The following EIF1AD variants were observed in gnomAD, a reference collection of about 807,000 sequenced individuals.
The protein encoded by EIF1AD is eukaryotic translation initiation factor 1A domain containing.
A neutral mutation model predicts 21.7 loss-of-function variants in EIF1AD; 9 were observed. The ratio of observed to expected loss-of-function variants is 0.41; its 90% CI spans 0.25 to 0.72. EIF1AD has a LOEUF of 0.72. EIF1AD is among the 30% of genes least tolerant of loss of function. The pLI is 0.29. For missense variants in EIF1AD, 164 were observed against 199.7 expected (o/e 0.82, Z 1.08); for synonymous variants, 78 against 70.9 (o/e 1.10, Z -0.50).
chr11:65,999,650 A>G lies in EIF1AD; in HGVS notation c.222T>C (p.Ile74=). 6.2e-7 allele frequency: 1 copy of G among 1,614,002 alleles called. No individual in the cohort carries two copies. The change falls in exon 4 of 6, where the codon ATT becomes ATC. Residue 74 remains isoleucine (I), a synonymous_variant. Transcript: ENST00000533544. ...CAGCCTTCACCTTTTCTCCCTCTTCAATGGGGTCAACAATGAGAAAGTCCC... is the reference window on the plus strand; with the variant it reads ...CAGCCTTCACCTTTTCTCCCTCTTCGATGGGGTCAACAATGAGAAAGTCCC... The part of the protein sequence containing the change: ...KRGDFLIVDP[I]EEGEKVKAEI...
rs1855739504 is a variant in EIF1AD, at chr11:65,996,780, C to G, written c.*1819G>C. ...CACGCTCGACACTAACACATCACAT[C>G]CATAACATATCACATCCAATAGACA... On this transcript the variant is annotated 3_prime_UTR_variant, in exon 6 of 6. Transcript: ENST00000533544. 6.6e-6 allele frequency: 1 copy of G among 152,116 alleles called. No homozygotes were observed. Among genetic ancestry groups the G allele is most frequent in the Non-Finnish European group, 1.5e-5 (1 of 68,036 alleles). The allele number at this position is 152,116 out of a possible 1,614,324, so 9.4% of individuals were successfully genotyped here. A position where few individuals can be genotyped will look rare whatever the true frequency, so the allele number is the denominator to read the frequency against.
At chr11:66,001,452 A>G (rs1419997346) in intron 1 of EIF1AD, among the ~76,000 whole-genome samples, 2 of 144,356 alleles carry the variant, frequency 1.4e-5, no homozygotes, top group Non-Finnish European at 3.0e-5. Flanking sequence ...AGCCTGGGCG[A>G]CAGAGCAAGA....
Position 65,998,170 on chromosome 11 carries a change from A to G in EIF1AD, c.*429T>C, listed in dbSNP as rs1209659569. ...CCTAGGGCTGTCATCCTGAATGCTT[A>G]AATTGGTATGAACTGCAAGCAGGCA... On this transcript the variant is annotated 3_prime_UTR_variant, in exon 6 of 6. Transcript: ENST00000533544. 6.3e-6 allele frequency: 1 copy of G among 158,114 alleles called. No individual in the cohort carries two copies. The highest frequency in any genetic ancestry group is 1.9e-4 in the East Asian group (1 of 5,382). 9.8% of individuals were successfully genotyped at this position (158,114 alleles called of 1,614,324 possible). A position where few individuals can be genotyped will look rare whatever the true frequency, so the allele number is the denominator to read the frequency against.
chr11:65,999,330 C>T lies in EIF1AD; in HGVS notation c.353+20G>A, dbSNP rs1197847631. 1 of 1,614,118 alleles carries T rather than the reference C, an allele frequency of 6.2e-7. No homozygotes were observed. Among genetic ancestry groups the T allele is most frequent in the African/African-American group, 1.3e-5 (1 of 74,946 alleles). ...AACCCCTTATTTTCCATGTACCCCA[C>T]CCCAAGGCTTGTTCCTCACCTGTTC... On this transcript the variant is annotated intron_variant, in intron 5 of 5. Coordinates refer to ENST00000533544, the MANE Select transcript of EIF1AD (RefSeq NM_001242481.2).
rs1855859318 is a variant in EIF1AD at position 65,999,567 on chromosome 11, C to A, written c.305G>T (p.Trp102Leu). 6.2e-7 allele frequency: 1 copy of A among 1,612,632 alleles called. No homozygotes were observed. The highest frequency in any genetic ancestry group is 8.5e-7 in the Non-Finnish European group (1 of 1,179,090). ...GCCAATGATCAAGGGGACCACCTACCAAAACCCCTCCTTCTGCAGAGAGCG... is the reference window on the plus strand; with the variant it reads ...GCCAATGATCAAGGGGACCACCTACAAAAACCCCTCCTTCTGCAGAGAGCG... ...HVRSLQKEGF[W>L]PEAFSEVAEK... Residue 102 changes from tryptophan to leucine, a missense_variant and splice_region_variant, in exon 4 of 6, where the codon TGG (tryptophan) becomes TTG (leucine). By Grantham distance (61) the Trp-to-Leu change is moderately conservative (BLOSUM62 -2). Transcript: ENST00000533544.
At position 65,998,473 on chromosome 11, in the gene EIF1AD, G is replaced by A; in HGVS notation, c.*126C>T. ...TTTAATTCTCTGAATCAAAAGATCA[G>A]TTCAGAGAGGAGCCCTGCTTTGTCC... On this transcript the variant is annotated 3_prime_UTR_variant, in exon 6 of 6. Coordinates refer to ENST00000533544, the MANE Select transcript of EIF1AD (RefSeq NM_001242481.2). The A allele has an allele frequency of 7.9e-7, 1 of 1,261,504 alleles. No homozygotes were observed. Among genetic ancestry groups the A allele is most frequent in the Non-Finnish European group, 1.1e-6 (1 of 913,510 alleles). 78.1% of individuals were successfully genotyped at this position (1,261,504 alleles called of 1,614,324 possible). A position where few individuals can be genotyped will look rare whatever the true frequency, so the allele number is the denominator to read the frequency against.
rs1457628811 is a variant in EIF1AD at position 65,997,798 on chromosome 11, C to T, written c.*801G>A. 6.6e-6 allele frequency: 1 copy of T among 152,244 alleles called. No individual in the cohort carries two copies. Among genetic ancestry groups the T allele is most frequent in the Non-Finnish European group, 1.5e-5 (1 of 68,076 alleles). 9.4% of individuals were successfully genotyped at this position (152,244 alleles called of 1,614,324 possible). A position where few individuals can be genotyped will look rare whatever the true frequency, so the allele number is the denominator to read the frequency against. On this transcript the variant is annotated 3_prime_UTR_variant, in exon 6 of 6. Coordinates refer to ENST00000533544, the MANE Select transcript of EIF1AD (RefSeq NM_001242481.2). The stretch of plus-strand genomic sequence containing the variant: ...AGAGGGAAGTGAAGGCAGAAGGTTA[C>T]TCATGAGAATGTCAGGGCTGGTTAG...
chr11:65,999,936 A>G (rs1222862692), intron 3 of EIF1AD, 117 bp downstream of exon 3: 4 of 803,208 alleles, frequency 5.0e-6, no homozygotes, highest in Non-Finnish European at 8.0e-6. Flanking sequence ...GCACGTGCCC[A>G]ACTAATTTTT....
chr11:65,998,364 G>T lies in EIF1AD; in HGVS notation c.*235C>A. ...CCACCCACAAGGTCTCTAATAAATA[G>T]GGAGCAGTTTTTCACTTCATCACAA... On this transcript the variant is annotated 3_prime_UTR_variant, in exon 6 of 6. Coordinates refer to ENST00000533544, the MANE Select transcript of EIF1AD (RefSeq NM_001242481.2). 9.3e-6 allele frequency: 3 copies of T among 323,750 alleles called. No homozygotes were observed. The highest frequency in any genetic ancestry group is 1.7e-5 in the Non-Finnish European group (3 of 175,992). The allele number at this position is 323,750 out of a possible 1,614,324, so 20.1% of individuals were successfully genotyped here. A position where few individuals can be genotyped will look rare whatever the true frequency, so the allele number is the denominator to read the frequency against.
chr11:65,997,482 T>G lies in EIF1AD; in HGVS notation c.*1117A>C, dbSNP rs1855768998. 1 of 152,074 alleles carries G rather than the reference T, an allele frequency of 6.6e-6. No homozygotes were observed. The highest frequency in any genetic ancestry group is 2.4e-5 in the African/African-American group (1 of 41,386). 9.4% of individuals were successfully genotyped at this position (152,074 alleles called of 1,614,324 possible). A position where few individuals can be genotyped will look rare whatever the true frequency, so the allele number is the denominator to read the frequency against. Reference sequence around the variant, plus strand: ...ATGGTTGCTGTTTCTTAATGAGGCATGTGTTGTGGTAACTACCACAAGGGG... The same window carrying G: ...ATGGTTGCTGTTTCTTAATGAGGCAGGTGTTGTGGTAACTACCACAAGGGG... On this transcript the variant is annotated 3_prime_UTR_variant, in exon 6 of 6. Coordinates refer to ENST00000533544, the MANE Select transcript of EIF1AD (RefSeq NM_001242481.2).
rs1855901159 is a variant in EIF1AD at position 66,000,395 on chromosome 11, A to C, written c.-6T>G. On this transcript the variant is annotated 5_prime_UTR_variant, in exon 2 of 6. Transcript: ENST00000533544. ...CTCTTGGTGGCCTGAGACATGCTGA[A>C]GTCGTCCCACACTGGTTAGGAACGA... is the stretch of plus-strand genomic sequence containing the variant. 6 of 1,603,486 alleles carry C rather than the reference A, an allele frequency of 3.7e-6. No homozygotes were observed. The highest frequency in any genetic ancestry group is 4.3e-6 in the Non-Finnish European group (5 of 1,174,880).
At position 65,999,512 on chromosome 11, in the gene EIF1AD, T is replaced by TAGGAAGGCAATGCCTCCAGAAGCC. The variant is rs1466405129; in HGVS notation, c.305+31_305+54dup. 6 of 1,596,032 alleles carry TAGGAAGGCAATGCCTCCAGAAGCC rather than the reference T, an allele frequency of 3.8e-6. No homozygotes were observed. The Admixed American group carries it at 1.0e-4, about 27-fold the overall frequency. On this transcript the variant is annotated intron_variant, in intron 4 of 5. Coordinates refer to ENST00000533544, the MANE Select transcript of EIF1AD (RefSeq NM_001242481.2). The stretch of plus-strand genomic sequence containing the variant: ...ACCTTCCCTCCCCTAATTCCCAAGC[T>TAGGAAGGCAATGCCTCCAGAAGCC]AGGAAGGCAATGCCTCCAGAAGCCA...
chr11:65,999,712 C>T, intron 3 of EIF1AD, 37 bp from the exon 4 acceptor site: 1 of 1,487,370 alleles, frequency 6.7e-7, no homozygotes. Context: ...GTCAGGCCTG[C>T]TTGCAATAAG....
chr11:65,998,827 C>A, intron 5 of EIF1AD, 84 bp from the exon 6 acceptor site: 1 of 1,509,824 alleles, frequency 6.6e-7, no homozygotes, highest in Admixed American at 1.8e-5. Context: ...AAAAAAGGAC[C>A]ATCCGGCCCA....
rs1397730134 is a variant in EIF1AD at position 65,999,599 on chromosome 11, G to A, written c.273C>T (p.Asp91=). 1 of 1,613,906 alleles carries A rather than the reference G, an allele frequency of 6.2e-7. No homozygotes were observed. The highest frequency in any genetic ancestry group is 1.1e-5 in the South Asian group (1 of 91,060). The change falls in exon 4 of 6, where the codon GAC becomes GAT. Residue 91 remains aspartate (D), a synonymous_variant. Transcript: ENST00000533544. ...KAEISFVLCK[D]HVRSLQKEGF... is the part of the protein sequence containing the mutation. ...CCTCCTTCTGCAGAGAGCGCACGTGGTCCTTGCAGAGCACAAACGAGATTT... is the reference window on the plus strand; with the variant it reads ...CCTCCTTCTGCAGAGAGCGCACGTGATCCTTGCAGAGCACAAACGAGATTT...
Position 65,997,642 on chromosome 11 carries a change from CTAA to C in EIF1AD, c.*954_*956del. ...GTGGCCAGGCTGGCTGTTTTCTCAC[CTAA>C]TGATGGTGACTTGGGTTTGGGCACA... On this transcript the variant is annotated 3_prime_UTR_variant, in exon 6 of 6. Coordinates refer to ENST00000533544, the MANE Select transcript of EIF1AD (RefSeq NM_001242481.2). The C allele has an allele frequency of 6.6e-6, 1 of 152,272 alleles. No individual in the cohort carries two copies. Among genetic ancestry groups the C allele is most frequent in the Non-Finnish European group, 1.5e-5 (1 of 68,100 alleles). 9.4% of individuals were successfully genotyped at this position (152,272 alleles called of 1,614,324 possible).
At chr11:66,001,736 A>T (rs975125123) in intron 1 of EIF1AD, among the ~76,000 whole-genome samples, 174 bp downstream of exon 1, 1 of 152,164 alleles carries the variant, frequency 6.6e-6, no homozygotes, top group African/African-American at 2.4e-5. Flanking sequence ...TTAAAGGTTG[A>T]GGTGAGCAGG....
chr11:66,000,332 C>A lies in EIF1AD; in HGVS notation c.58G>T (p.Val20Leu), dbSNP rs749157947. Residue 20 changes from valine to leucine, a missense_variant, in exon 2 of 6, where the codon GTG becomes TTG. Coordinates refer to ENST00000533544, the MANE Select transcript of EIF1AD (RefSeq NM_001242481.2). Reference protein sequence around the residue: ...VVKEVLGEHIVPSDQQQIVRV... With the variant: ...VVKEVLGEHILPSDQQQIVRV... ...ACAATCTGCTGCTGGTCGGAGGGCACTATGTGCTCCCCTAGCACCTCCTTC... is the reference window on the plus strand; with the variant it reads ...ACAATCTGCTGCTGGTCGGAGGGCAATATGTGCTCCCCTAGCACCTCCTTC... The A allele has an allele frequency of 5.6e-6, 9 of 1,613,480 alleles. No homozygotes were observed. The East Asian group carries it at 1.6e-4, about 28-fold the overall frequency.
rs1451215025 is a variant in EIF1AD, at chr11:66,000,513, G to A, written c.-116-8C>T. 9 of 847,962 alleles carry A rather than the reference G, an allele frequency of 1.1e-5. No individual in the cohort carries two copies. The highest frequency in any genetic ancestry group is 1.7e-5 in the Non-Finnish European group (9 of 532,624). The allele number at this position is 847,962 out of a possible 1,614,324, so 52.5% of individuals were successfully genotyped here. A position where few individuals can be genotyped will look rare whatever the true frequency, so the allele number is the denominator to read the frequency against. ...ATGGGGAGGGGCCTTTTACTGAGGGGTGACACGGTGTCTTGGTTAAGAACA... is the reference window on the plus strand; with the variant it reads ...ATGGGGAGGGGCCTTTTACTGAGGGATGACACGGTGTCTTGGTTAAGAACA... On this transcript the variant is annotated splice_region_variant and splice_polypyrimidine_tract_variant and intron_variant, in intron 1 of 5. Transcript: ENST00000533544.
Sources: allele counts gnomAD v4.1 joint callset (sites outside exome capture counted in the v4.1 genomes callset), GRCh38; gene constraint gnomAD v4.1.1; transcripts MANE v1.5; gene names NCBI Gene and HGNC (gene_info 2026-07-23, HGNC 2026-07-21).